Variants in MACROD2 observed in about 807,000 individuals in gnomAD.
The protein encoded by MACROD2 is mono-ADP ribosylhydrolase 2, also known as ADP-ribose glycohydrolase MACROD2.
Under a neutral mutation model 70.4 loss-of-function variants are expected in MACROD2, and 36 were observed. The ratio of observed to expected loss-of-function variants is 0.51; its 90% CI spans 0.39 to 0.68. The LOEUF (loss-of-function observed/expected upper bound fraction) is 0.68. Among genes scored for constraint, MACROD2 ranks in the 30% least tolerant of loss-of-function variants. The probability of loss-of-function intolerance (pLI) is 0.00; values close to 1 mark genes in which losing one functional copy is unlikely to be tolerated. For synonymous variants in MACROD2, 172 were observed against 178.8 expected, an observed-to-expected ratio of 0.96 and a Z score of 0.30; for missense variants, 496 against 538.4, an observed-to-expected ratio of 0.92 and a Z score of 0.78.
intron 8 of MACROD2, among the ~76,000 whole-genome samples, chr20:15,636,071 C>CAAAAAAAAAAAAAAAAAAA (rs1178846767): frequency 1.1e-4 from 3 of 27,966 alleles, no homozygotes; most frequent in African/African-American, 2.0e-4. Flanking sequence ...GGCTCCCTCT[C>CAAAAAAAAAAAAAAAAAAA]AAAAGAAAAA....
chr20:14,404,960 G>GA (rs1030070892), intron 3 of MACROD2, among the ~76,000 whole-genome samples: 2 of 151,104 alleles, frequency 1.3e-5, no homozygotes, highest in East Asian at 1.9e-4. Flanking sequence ...GTTGAAAAAA[G>GA]AAAAAAAATA....
intron 8 of MACROD2, among the ~76,000 whole-genome samples, chr20:15,572,166 C>A (rs1233754): frequency 0.96 from 146,074 of 152,178 alleles, 70,176 homozygotes; most frequent in Non-Finnish European, 0.98. Flanking sequence ...GATTGAAAGC[C>A]CTGTATATAT....
At chr20:14,324,646 A>T (rs2082705706) in intron 3 of MACROD2, 1 of 152,180 alleles carries the variant, frequency 6.6e-6, no homozygotes, top group African/African-American at 2.4e-5. Flanking sequence ...TTATGATAAA[A>T]ACATCATAAA....
chr20:14,737,021 G>A (rs1451776818), intron 5 of MACROD2, among the ~76,000 whole-genome samples: 1 of 151,850 alleles, frequency 6.6e-6, no homozygotes, highest in Non-Finnish European at 1.5e-5. Context: ...TTGTTACATA[G>A]GTATACACAT....
chr20:14,783,856 G>T (rs1161892717), intron 5 of MACROD2, among the ~76,000 whole-genome samples: 1 of 152,088 alleles, frequency 6.6e-6, no homozygotes, highest in Non-Finnish European at 1.5e-5. Context: ...CTAAAGGCAA[G>T]GGATCTGGGC....
intron 3 of MACROD2, among the ~76,000 whole-genome samples, chr20:14,413,467 G>A (rs1347449343): frequency 6.6e-6 from 1 of 151,886 alleles, no homozygotes; most frequent in Non-Finnish European, 1.5e-5. Context: ...AATATTTTAT[G>A]GACCCTGTTG....
chr20:14,746,397 T>G (rs2071800099), intron 5 of MACROD2, among the ~76,000 whole-genome samples: 1 of 152,214 alleles, frequency 6.6e-6, no homozygotes, highest in East Asian at 1.9e-4. Context: ...TTTTAAGGGT[T>G]TATTTTCTTG....
chr20:15,178,899 A>G (rs1158511092), intron 5 of MACROD2, among the ~76,000 whole-genome samples: 1 of 152,162 alleles, frequency 6.6e-6, no homozygotes, highest in Admixed American at 6.5e-5. Flanking sequence ...ACAGTATAGC[A>G]GGGGCAAATT....
At chr20:14,935,352 G>C (rs552174059) in intron 5 of MACROD2, 2 of 152,050 alleles carry the variant, frequency 1.3e-5, no homozygotes, top group Non-Finnish European at 2.9e-5. Context: ...TCTAGTAGTA[G>C]CATCTCAGAA....
chr20:15,829,852 G>A (rs2064035513), intron 8 of MACROD2, among the ~76,000 whole-genome samples: 1 of 152,150 alleles, frequency 6.6e-6, no homozygotes, highest in Admixed American at 6.5e-5. Context: ...ATACAGAAGG[G>A]ATTTAACTAA....
At chr20:14,999,253 C>A (rs2122891840) in intron 5 of MACROD2, among the ~76,000 whole-genome samples, 1 of 152,332 alleles carries the variant, frequency 6.6e-6, no homozygotes, top group South Asian at 2.1e-4. Context: ...GTATAACACT[C>A]ATTGTGGTGT....
intron 5 of MACROD2, among the ~76,000 whole-genome samples, chr20:15,219,848 T>C (rs1186115254): frequency 6.6e-6 from 1 of 151,982 alleles, no homozygotes; most frequent in African/African-American, 2.4e-5. Context: ...TTTTGTGATT[T>C]GAGAGCCAAA....
At chr20:15,464,681 T>G (rs1420467222) in intron 7 of MACROD2, among the ~76,000 whole-genome samples, 2 of 152,224 alleles carry the variant, frequency 1.3e-5, no homozygotes, top group Admixed American at 1.3e-4. Flanking sequence ...ATCTGACCCT[T>G]ATGTACCTGT....
At chr20:14,388,337 G>C (rs930356131) in intron 3 of MACROD2, among the ~76,000 whole-genome samples, 1 of 151,902 alleles carries the variant, frequency 6.6e-6, no homozygotes, top group African/African-American at 2.4e-5. Flanking sequence ...TTATTAATTT[G>C]GAATTTTAAG....
At chr20:14,709,227 C>T (rs2071307712) in intron 5 of MACROD2, among the ~76,000 whole-genome samples, 2 of 150,306 alleles carry the variant, frequency 1.3e-5, no homozygotes, top group African/African-American at 4.9e-5. Context: ...AAAATACTTA[C>T]TTTTTTTTTT....
intron 6 of MACROD2, among the ~76,000 whole-genome samples, chr20:15,377,581 C>T (rs1413864594): frequency 6.6e-6 from 1 of 152,150 alleles, no homozygotes; most frequent in African/African-American, 2.4e-5. Context: ...TTAAAAAATT[C>T]ACAAGAAATG....
chr20:14,714,371 C>T (rs533101354), intron 5 of MACROD2, among the ~76,000 whole-genome samples: 1 of 152,236 alleles, frequency 6.6e-6, no homozygotes, highest in African/African-American at 2.4e-5. Context: ...ACTCATCTAC[C>T]CAGATCCACT....
chr20:15,960,521 C>G (rs944910057), intron 12 of MACROD2, among the ~76,000 whole-genome samples: 13 of 152,148 alleles, frequency 8.5e-5, no homozygotes, highest in African/African-American at 3.1e-4. Flanking sequence ...AAAGGTGAAC[C>G]CACTTTTTAT....
intron 8 of MACROD2, among the ~76,000 whole-genome samples, chr20:15,789,540 G>A (rs866763495): frequency 6.6e-6 from 1 of 151,944 alleles, no homozygotes; most frequent in African/African-American, 2.4e-5. Flanking sequence ...CAAAAATGAA[G>A]TTTCAGAAAT....
Sources: gnomAD v4.1 joint callset for allele counts (sites outside exome capture counted in the v4.1 genomes callset) on GRCh38, gnomAD v4.1.1 for gene constraint, MANE v1.5 for transcripts, NCBI Gene and HGNC (gene_info 2026-07-23, HGNC 2026-07-21) for gene names.